Variants in RELT observed in about 807,000 individuals in gnomAD.
RELT encodes the protein RELT TNF receptor.
A neutral mutation model predicts 51.1 loss-of-function variants in RELT; 37 were observed. That is an observed-to-expected ratio of 0.72 (90% confidence interval 0.56 to 0.95). The LOEUF is 0.95. RELT is among the 40% of genes least tolerant of loss of function. The probability of loss-of-function intolerance (pLI) is 0.00; values close to 1 mark genes in which losing one functional copy is unlikely to be tolerated. For missense variants in RELT, 535 were observed against 572.6 expected (o/e 0.93, Z 0.67); for synonymous variants, 241 against 235.7 (o/e 1.02, Z -0.21).
chr11:73,394,326 G>A lies in RELT; in HGVS notation c.788+9G>A, dbSNP rs1866270609. On this transcript the variant is annotated intron_variant, in intron 8 of 10. Coordinates refer to ENST00000064780, the MANE Select transcript of RELT (RefSeq NM_152222.2). The surrounding 1 kb of genome is among the most constrained non-coding windows in gnomAD (Gnocchi z 4.9). ...CACAGGCCTGTGTCCAAGTGAGTGG[G>A]CTGGTGGGAGATAACGGGGCCAAAA... 6.2e-7 allele frequency: 1 copy of A among 1,612,850 alleles called. No homozygotes were observed. The highest frequency in any genetic ancestry group is 8.5e-7 in the Non-Finnish European group (1 of 1,179,734).
chr11:73,380,433 C>T (rs1175434724), intron 1 of RELT, among the ~76,000 whole-genome samples: 1 of 152,216 alleles, frequency 6.6e-6, no homozygotes, highest in Non-Finnish European at 1.5e-5. Context: ...CCTGCTCAGG[C>T]CCTGTAGTGT....
intron 1 of RELT, among the ~76,000 whole-genome samples, chr11:73,385,056 T>A (rs1207300906): frequency 6.7e-6 from 1 of 149,106 alleles, no homozygotes; most frequent in East Asian, 2.0e-4. Context: ...ATCCTGAGGG[T>A]GGTGGGAGCT....
In RELT at chr11:73,395,115, C is replaced by T. The variant is rs1319376881; in HGVS notation, c.1075C>T (p.Arg359Trp). The T allele has an allele frequency of 3.1e-6, 5 of 1,613,546 alleles. No homozygotes were observed. Among genetic ancestry groups the T allele is most frequent in the Admixed American group, 1.7e-5 (1 of 60,016 alleles). Residue 359 changes from arginine to tryptophan, a missense_variant, in exon 10 of 11, where the codon CGG (arginine) becomes TGG (tryptophan). By Grantham distance (101) the Arg-to-Trp change is moderately radical. Coordinates refer to ENST00000064780, the MANE Select transcript of RELT (RefSeq NM_152222.2). ...RFRVARIPEQ[R>W]TSSMVSEVKT... ...CCGCGTGGCTCGAATTCCTGAGCAG[C>T]GGACAAGTTCAATGGTGTCTGAGGT...
At chr11:73,389,227 G>A in intron 2 of RELT, 46 bp downstream of exon 2, 1 of 1,349,362 alleles carries the variant, frequency 7.4e-7, no homozygotes, top group Non-Finnish European at 1.0e-6. Context: ...CGCACCCTCA[G>A]CCCTGCAGCC....
chr11:73,392,401 C>G lies in RELT; in HGVS notation c.558C>G (p.Leu186=). 3 of 1,613,784 alleles carry G rather than the reference C, an allele frequency of 1.9e-6. 1 individual carries two copies. Among genetic ancestry groups the G allele is most frequent in the South Asian group, 2.2e-5 (2 of 91,084 alleles). Residue 186 remains leucine (L), a synonymous_variant, in exon 6 of 11, where the codon CTC becomes CTG. Coordinates refer to ENST00000064780, the MANE Select transcript of RELT (RefSeq NM_152222.2). ...TGGGCATCCTGGTGTGCAACCTCCTCAAGCGGAAGGGCTACCACTGCACGG... is the reference window on the plus strand; with the variant it reads ...TGGGCATCCTGGTGTGCAACCTCCTGAAGCGGAAGGGCTACCACTGCACGG... The part of the protein sequence containing the change: ...GLLGILVCNL[L]KRKGYHCTAH...
At chr11:73,390,687 C>T (rs1397898987) in intron 3 of RELT, 62 bp downstream of exon 3, 1 of 1,611,006 alleles carries the variant, frequency 6.2e-7, no homozygotes, top group Non-Finnish European at 8.5e-7. Context: ...GGGCAGAGTC[C>T]TGTGCCTGGC....
chr11:73,394,116 C>A lies in RELT; in HGVS notation c.707-120C>A. 9.6e-7 allele frequency: 1 copy of A among 1,042,152 alleles called. No homozygotes were observed. Among genetic ancestry groups the A allele is most frequent in the Admixed American group, 2.1e-5 (1 of 48,604 alleles). The allele number at this position is 1,042,152 out of a possible 1,614,324, so 64.6% of individuals were successfully genotyped here. Reference sequence around the variant, plus strand: ...TGCCTGATGAAGTGGGAGGAAAAGGCGCACAGCCCAGGCTGGGAGTGGTGG... The same window carrying A: ...TGCCTGATGAAGTGGGAGGAAAAGGAGCACAGCCCAGGCTGGGAGTGGTGG... On this transcript the variant is annotated intron_variant, in intron 7 of 10. Transcript: ENST00000064780. This position sits in a 1 kb window ranked among gnomAD's most constrained non-coding sequence, Gnocchi z 4.9.
At chr11:73,379,118 T>C (rs1866011763) in intron 1 of RELT, among the ~76,000 whole-genome samples, 1 of 152,170 alleles carries the variant, frequency 6.6e-6, no homozygotes. Flanking sequence ...GATCAGGGTG[T>C]CCCTCGGTCC....
intron 1 of RELT, among the ~76,000 whole-genome samples, chr11:73,387,760 G>T (rs962968435): frequency 6.6e-6 from 1 of 152,116 alleles, no homozygotes; most frequent in Admixed American, 6.6e-5. Flanking sequence ...TAGGTGGGAG[G>T]GCCGGGCTGC....
At position 73,389,108 on chromosome 11, in the gene RELT, C is replaced by T. The variant is rs1334389789; in HGVS notation, c.-25-4C>T. On this transcript the variant is annotated splice_region_variant and splice_polypyrimidine_tract_variant and intron_variant, in intron 1 of 10. Transcript: ENST00000064780. ...CTGCCGAGCCTCCTCTCCATCTGCC[C>T]TAGGCCGGCGACCACCAGGGGCCTG... 1.3e-6 allele frequency: 2 copies of T among 1,525,876 alleles called. No individual in the cohort carries two copies. The highest frequency in any genetic ancestry group is 1.4e-5 in the African/African-American group (1 of 72,514). The allele number at this position is 1,525,876 out of a possible 1,614,324, so 94.5% of individuals were successfully genotyped here.
chr11:73,391,789 G>A (rs1866218837), intron 5 of RELT, among the ~76,000 whole-genome samples: 1 of 152,042 alleles, frequency 6.6e-6, no homozygotes. Context: ...AAAAACCCAT[G>A]CAGATGAGTG....
intron 1 of RELT, among the ~76,000 whole-genome samples, chr11:73,378,374 C>G (rs143808680): frequency 6.6e-6 from 1 of 152,324 alleles, no homozygotes; most frequent in African/African-American, 2.4e-5. Context: ...AGGCACTGTT[C>G]TGAACACTTC....
At chr11:73,390,479 T>A in intron 2 of RELT, 72 bp from the exon 3 acceptor site, 1 of 1,391,036 alleles carries the variant, frequency 7.2e-7, no homozygotes, top group South Asian at 1.2e-5. Context: ...AGGAAATAGG[T>A]GGGGGATAGA....
intron 6 of RELT, chr11:73,393,502 C>G (rs957007650): frequency 4.8e-6 from 6 of 1,249,468 alleles, no homozygotes; most frequent in African/African-American, 1.5e-5. Context: ...GCCCACAGCT[C>G]CTTGAGGCTG....
rs1489037401 is a variant in RELT at position 73,388,923 on chromosome 11, C to T, written c.-25-189C>T. On this transcript the variant is annotated intron_variant, in intron 1 of 10. Coordinates refer to ENST00000064780, the MANE Select transcript of RELT (RefSeq NM_152222.2). This position sits in a 1 kb window ranked among gnomAD's most constrained non-coding sequence, Gnocchi z 4.1. ...TGTGCTGCCCCGTGAGGCCGGCTCCCAGGCAGGGCAGCCCCCTCTGCTTGG... is the reference window on the plus strand; with the variant it reads ...TGTGCTGCCCCGTGAGGCCGGCTCCTAGGCAGGGCAGCCCCCTCTGCTTGG... 6.6e-6 allele frequency among the ~76,000 whole-genome samples: 1 copy of T among 152,216 alleles called. No individual in the cohort carries two copies. Among genetic ancestry groups the T allele is most frequent in the African/African-American group, 2.4e-5 (1 of 41,458 alleles).
At position 73,383,956 on chromosome 11, in the gene RELT, G is replaced by C. The variant is rs376543607; in HGVS notation, c.-25-5156G>C. Among the ~76,000 whole-genome samples the C allele has an allele frequency of 1.1e-4, 16 of 152,344 alleles. No individual in the cohort carries two copies. In the East Asian group the frequency reaches 1.2e-3, roughly 11 times the overall value. ...TGGCCTTTGTCTTCCTGCCTTGGGT[G>C]TGGCCACCGCCAAGGGAGGCCTGTG... On this transcript the variant is annotated intron_variant, in intron 1 of 10. Coordinates refer to ENST00000064780, the MANE Select transcript of RELT (RefSeq NM_152222.2).
intron 5 of RELT, 106 bp from the exon 6 acceptor site, chr11:73,392,105 C>A: frequency 2.2e-6 from 3 of 1,335,552 alleles, no homozygotes; most frequent in South Asian, 2.8e-5. Flanking sequence ...CTCCCCTGGG[C>A]ACATTGGCTC....
chr11:73,380,489 G>A (rs1050566567), intron 1 of RELT, among the ~76,000 whole-genome samples: 3 of 152,156 alleles, frequency 2.0e-5, no homozygotes, highest in Non-Finnish European at 2.9e-5. Context: ...ACTCACCCGG[G>A]CCCTCTCCTT....
intron 1 of RELT, among the ~76,000 whole-genome samples, chr11:73,380,361 T>C (rs1219522237): frequency 1.3e-5 from 2 of 151,948 alleles, no homozygotes; most frequent in African/African-American, 4.8e-5. Context: ...CTCCTGTGGG[T>C]AGGGGGCAAG....
Sources: gnomAD v4.1 joint callset for allele counts (sites outside exome capture counted in the v4.1 genomes callset) on GRCh38, gnomAD v4.1.1 for gene constraint, Gnocchi (gnomAD v3.1) non-coding constraint, MANE v1.5 for transcripts, NCBI Gene and HGNC (gene_info 2026-07-23, HGNC 2026-07-21) for gene names.